MSL1: variants seen among roughly 807,000 people sequenced by gnomAD.
MSL1 encodes the protein male-specific lethal 1 homolog.
Under a neutral mutation model 64.6 loss-of-function variants are expected in MSL1, and 21 were observed. The ratio of observed to expected loss-of-function variants is 0.33; its 90% CI spans 0.23 to 0.47. The LOEUF (loss-of-function observed/expected upper bound fraction) is 0.47. Among genes scored for constraint, MSL1 ranks in the 20% least tolerant of loss-of-function variants. The probability of loss-of-function intolerance (pLI) is 1.00; values close to 1 mark genes in which losing one functional copy is unlikely to be tolerated. For synonymous variants in MSL1, 339 were observed against 329.6 expected (o/e 1.03, Z -0.31); for missense variants, 664 against 793.2 (o/e 0.84, Z 1.96).
Position 40,129,372 on chromosome 17 carries a change from G to A in MSL1, c.1120G>A (p.Glu374Lys). ...AGAGGAACCCTGTGGTTCCTTATCTGAAACTGTTTGTAAACGTGAATTGAG... is the reference window on the plus strand; with the variant it reads ...AGAGGAACCCTGTGGTTCCTTATCTAAAACTGTTTGTAAACGTGAATTGAG... The part of the protein sequence containing the change: ...IKEEPCGSLS[E>K]TVCKRELRSQ... The change falls in exon 3 of 9, where the codon GAA becomes AAA. Residue 374 changes from glutamate (E) to lysine (K), a missense_variant. Coordinates refer to ENST00000398532, the MANE Select transcript of MSL1 (RefSeq NM_001365919.1). The A allele has an allele frequency of 3.7e-6, 6 of 1,613,682 alleles. No homozygotes were observed. The highest frequency in any genetic ancestry group is 5.1e-6 in the Non-Finnish European group (6 of 1,179,818).
chr17:40,126,897 C>A (rs1177880115), intron 2 of MSL1: 1 of 156,172 alleles, frequency 6.4e-6, no homozygotes. Context: ...GTATTTTGGT[C>A]ACAGTAATAA....
At position 40,123,169 on chromosome 17, in the gene MSL1, C is replaced by T; in HGVS notation, c.557C>T (p.Thr186Ile). 3 of 1,534,696 alleles carry T rather than the reference C, an allele frequency of 2.0e-6. No homozygotes were observed. The highest frequency in any genetic ancestry group is 2.6e-6 in the Non-Finnish European group (3 of 1,146,386). The change falls in exon 1 of 9, where the codon ACC becomes ATC. Residue 186 changes from threonine to isoleucine, a missense_variant. By Grantham distance (89) the Thr-to-Ile change is moderately conservative. Coordinates refer to ENST00000398532, the MANE Select transcript of MSL1 (RefSeq NM_001365919.1). The part of the protein sequence containing the change: ...PLPGPPPLAP[T>I]ATAGTLAASE... ...CCCGGGCCGCCACCCCTCGCGCCCA[C>T]CGCCACCGCCGGGACCCTGGCGGCC...
chr17:40,132,155 G>T, intron 5 of MSL1, 57 bp downstream of exon 5: 1 of 1,256,656 alleles, frequency 8.0e-7, no homozygotes. Context: ...GAATGTGAGG[G>T]TATAACTGGA....
chr17:40,123,967 A>AATACATGACCCACTGACCAGGTCCCTTTT lies in MSL1; in HGVS notation c.768+591_768+619dup, dbSNP rs1185314142. On this transcript the variant is annotated intron_variant, in intron 1 of 8. Coordinates refer to ENST00000398532, the MANE Select transcript of MSL1 (RefSeq NM_001365919.1). ...AGCTTTTAATAGGAACCTGAGTTCT[A>AATACATGACCCACTGACCAGGTCCCTTTT]ATACATGACCCACTGACCAGGTCCC... Among the ~76,000 whole-genome samples, 3 of 152,206 alleles carry AATACATGACCCACTGACCAGGTCCCTTTT rather than the reference A, an allele frequency of 2.0e-5. No individual in the cohort carries two copies. The East Asian group carries it at 5.8e-4, about 29-fold the overall frequency.
At position 40,123,330 on chromosome 17, in the gene MSL1, C is replaced by T; in HGVS notation, c.718C>T (p.Leu240=). 6.5e-7 allele frequency: 1 copy of T among 1,536,390 alleles called. No individual in the cohort carries two copies. Residue 240 remains leucine (L), a synonymous_variant, in exon 1 of 9, where the codon CTG becomes TTG. Coordinates refer to ENST00000398532, the MANE Select transcript of MSL1 (RefSeq NM_001365919.1). Reference sequence around the variant, plus strand: ...CCTCATCGAACAGCAGCAGCAGCAGCTGCAGGCCAAGGAAAAGGAGATCGA... The same window carrying T: ...CCTCATCGAACAGCAGCAGCAGCAGTTGCAGGCCAAGGAAAAGGAGATCGA... ...LDLIEQQQQQ[L]QAKEKEIEEL... is the part of the protein sequence containing the mutation.
intron 6 of MSL1, 92 bp from the exon 7 acceptor site, chr17:40,133,442 G>A (rs1598413343): frequency 1.4e-6 from 2 of 1,470,948 alleles, no homozygotes; most frequent in East Asian, 4.9e-5. Context: ...GGTCTTCCTA[G>A]CATCTGGATT....
intron 5 of MSL1, among the ~76,000 whole-genome samples, chr17:40,132,356 G>A (rs1459998370): frequency 6.6e-6 from 1 of 152,116 alleles, no homozygotes; most frequent in Non-Finnish European, 1.5e-5. Flanking sequence ...GAAAAGTTAG[G>A]GCTGGGTGTG....
In MSL1 at chr17:40,122,966, T is replaced by C. The variant is rs1988221249; in HGVS notation, c.354T>C (p.Pro118=). The change falls in exon 1 of 9, where the codon CCT becomes CCC. Residue 118 remains proline (P), a synonymous_variant. Coordinates refer to ENST00000398532, the MANE Select transcript of MSL1 (RefSeq NM_001365919.1). This position sits in a 1 kb window ranked among gnomAD's most constrained non-coding sequence, Gnocchi z 4.2. ...AGCAAGCCGGCATTGGGGGGGAGCC[T>C]GCCGCAGCCGGAGCCGGCTGCAGCC... is the stretch of plus-strand genomic sequence containing the variant. ...ATKQAGIGGE[P]AAAGAGCSPR... is the part of the protein sequence containing the mutation. 1 of 1,526,736 alleles carries C rather than the reference T, an allele frequency of 6.5e-7. No homozygotes were observed. The highest frequency in any genetic ancestry group is 1.4e-5 in the African/African-American group (1 of 71,058). 94.6% of individuals were successfully genotyped at this position (1,526,736 alleles called of 1,614,324 possible). A position where few individuals can be genotyped will look rare whatever the true frequency, so the allele number is the denominator to read the frequency against.
At position 40,122,855 on chromosome 17, in the gene MSL1, G is replaced by A; in HGVS notation, c.243G>A (p.Leu81=). The part of the protein sequence containing the change: ...PAGCGGKGRG[L]LLPAGAAPGQ... ...GCTGCGGCGGCAAGGGCCGGGGCTT[G>A]TTACTCCCGGCCGGGGCGGCCCCCG... The change falls in exon 1 of 9, where the codon TTG becomes TTA. Residue 81 remains leucine, a synonymous_variant. Transcript: ENST00000398532. This position sits in a 1 kb window ranked among gnomAD's most constrained non-coding sequence, Gnocchi z 4.2. 4.3e-6 allele frequency: 6 copies of A among 1,389,012 alleles called. No individual in the cohort carries two copies. Among genetic ancestry groups the A allele is most frequent in the South Asian group, 3.2e-5 (2 of 62,298 alleles). 86.0% of individuals were successfully genotyped at this position (1,389,012 alleles called of 1,614,324 possible). A position where few individuals can be genotyped will look rare whatever the true frequency, so the allele number is the denominator to read the frequency against.
Position 40,123,133 on chromosome 17 carries a change from C to G in MSL1, c.521C>G (p.Pro174Arg). 3 of 1,533,084 alleles carry G rather than the reference C, an allele frequency of 2.0e-6. No individual in the cohort carries two copies. The highest frequency in any genetic ancestry group is 2.6e-6 in the Non-Finnish European group (3 of 1,145,652). The allele number at this position is 1,533,084 out of a possible 1,614,324, so 95.0% of individuals were successfully genotyped here. Residue 174 changes from proline (P) to arginine (R), a missense_variant, in exon 1 of 9, where the codon CCA (proline) becomes CGA (arginine). Pro to Arg is a moderately radical substitution (Grantham distance 103). Coordinates refer to ENST00000398532, the MANE Select transcript of MSL1 (RefSeq NM_001365919.1). ...GCCTCGGACCCGGCGGGACCCCCAC[C>G]ACTACCTCTGCCCGGGCCGCCACCC... is the stretch of plus-strand genomic sequence containing the variant. ...ATASDPAGPP[P>R]LPLPGPPPLA... is the part of the protein sequence containing the mutation.
In MSL1 at chr17:40,136,835, C is replaced by T. The variant is rs1195278224; in HGVS notation, c.*2466C>T. The T allele has an allele frequency of 6.6e-6, 1 of 152,288 alleles. No individual in the cohort carries two copies. Among genetic ancestry groups the T allele is most frequent in the African/African-American group, 2.4e-5 (1 of 41,416 alleles). 9.4% of individuals were successfully genotyped at this position (152,288 alleles called of 1,614,324 possible). On this transcript the variant is annotated 3_prime_UTR_variant, in exon 9 of 9. Transcript: ENST00000398532. The stretch of plus-strand genomic sequence containing the variant: ...TTTATTATATTTATTGGCAAACAAA[C>T]AATTCTGCTTGTATATTTGAAACAT...
chr17:40,134,022 T>C, intron 8 of MSL1, 123 bp downstream of exon 8: 1 of 852,480 alleles, frequency 1.2e-6, no homozygotes, highest in Non-Finnish European at 1.9e-6. Flanking sequence ...TTGACAGAAA[T>C]GAGGCTACCT....
In MSL1 at chr17:40,127,863, G is replaced by A. The variant is rs551554369; in HGVS notation, c.993-1382G>A. Among the ~76,000 whole-genome samples, 7 of 152,300 alleles carry A rather than the reference G, an allele frequency of 4.6e-5. No homozygotes were observed. The South Asian group carries it at 1.2e-3, about 27-fold the overall frequency. On this transcript the variant is annotated intron_variant, in intron 2 of 8. Coordinates refer to ENST00000398532, the MANE Select transcript of MSL1 (RefSeq NM_001365919.1). ...AGTATAGCCGGGTGCGGTGGCTCAC[G>A]CCTGTAATCCCAGCACTTTGGGAGG...
chr17:40,128,728 T>C (rs1988377975), intron 2 of MSL1, among the ~76,000 whole-genome samples: 1 of 150,488 alleles, frequency 6.6e-6, no homozygotes, highest in South Asian at 2.2e-4. Flanking sequence ...CAACATTTAC[T>C]GGCCAGGTGC....
chr17:40,122,528 C>A lies in MSL1; in HGVS notation c.-85C>A, dbSNP rs1054124003. Reference sequence around the variant, plus strand: ...GAGGCGAGCCCGCCAAACTCCCCTCCCCCCCCTCAGTCCTCGACCCCCCGC... The same window carrying A: ...GAGGCGAGCCCGCCAAACTCCCCTCACCCCCCTCAGTCCTCGACCCCCCGC... On this transcript the variant is annotated 5_prime_UTR_variant, in exon 1 of 9. Transcript: ENST00000398532. This position sits in a 1 kb window ranked among gnomAD's most constrained non-coding sequence, Gnocchi z 4.2. The A allele has an allele frequency of 1.3e-6, 1 of 740,830 alleles. No homozygotes were observed. Among genetic ancestry groups the A allele is most frequent in the Non-Finnish European group, 2.0e-6 (1 of 511,644 alleles). The allele number at this position is 740,830 out of a possible 1,614,324, so 45.9% of individuals were successfully genotyped here. A position where few individuals can be genotyped will look rare whatever the true frequency, so the allele number is the denominator to read the frequency against.
intron 2 of MSL1, among the ~76,000 whole-genome samples, chr17:40,127,279 G>A (rs1285282310): frequency 6.7e-6 from 1 of 150,202 alleles, no homozygotes; most frequent in African/African-American, 2.5e-5. Context: ...AGGCTACAGT[G>A]AGCTGTTACT....
In MSL1 at chr17:40,129,359, T is replaced by C. The variant is rs1567669611; in HGVS notation, c.1107T>C (p.Cys369=). Residue 369 remains cysteine, a synonymous_variant, in exon 3 of 9, where the codon TGT becomes TGC. Coordinates refer to ENST00000398532, the MANE Select transcript of MSL1 (RefSeq NM_001365919.1). ...ACTCTCCTATTAAAGAGGAACCCTG[T>C]GGTTCCTTATCTGAAACTGTTTGTA... is the stretch of plus-strand genomic sequence containing the variant. ...PKHSPIKEEP[C]GSLSETVCKR... 1 of 1,613,440 alleles carries C rather than the reference T, an allele frequency of 6.2e-7. No individual in the cohort carries two copies.
At position 40,132,078 on chromosome 17, in the gene MSL1, A is replaced by G; in HGVS notation, c.1468A>G (p.Asn490Asp). The stretch of plus-strand genomic sequence containing the variant: ...CTCAGTAGAGCCTCTAAGGGACCCA[A>G]ATCCTTCAGACCTTTTGGAGGTAGG... Reference protein sequence around the residue: ...DHSVEPLRDPNPSDLLENLDD... With the variant: ...DHSVEPLRDPDPSDLLENLDD... The change falls in exon 5 of 9, where the codon AAT becomes GAT. Residue 490 changes from asparagine (N) to aspartate (D), a missense_variant. Around this residue, in one of 4 missense-constraint regions of MSL1, gnomAD observed 119 missense variants for 164.3 expected, o/e 0.72. Transcript: ENST00000398532. The G allele has an allele frequency of 6.2e-7, 1 of 1,603,404 alleles. No homozygotes were observed. The highest frequency in any genetic ancestry group is 8.5e-7 in the Non-Finnish European group (1 of 1,174,124).
intron 8 of MSL1, 143 bp from the exon 9 acceptor site, chr17:40,134,136 C>T: frequency 1.4e-6 from 1 of 727,148 alleles, no homozygotes; most frequent in South Asian, 1.7e-5. Flanking sequence ...CACAGTTGCT[C>T]TGGCTTTGAG....
Sources: gnomAD v4.1 joint callset for allele counts (sites outside exome capture counted in the v4.1 genomes callset) on GRCh38, gnomAD v4.1.1 for gene constraint, gnomAD v4.1.1 regional missense constraint, Gnocchi (gnomAD v3.1) non-coding constraint, MANE v1.5 for transcripts, NCBI Gene and HGNC (gene_info 2026-07-23, HGNC 2026-07-21) for gene names.